SFI1: variants seen among roughly 807,000 people sequenced by gnomAD.
SFI1 encodes SFI1 centrin binding protein, also known as protein SFI1 homolog.
Under a neutral mutation model 207.5 loss-of-function variants are expected in SFI1, and 195 were observed. The observed-to-expected ratio is 0.94, with a 90% CI of 0.84 to 1.06. The LOEUF (loss-of-function observed/expected upper bound fraction) is 1.06, where lower values mean the gene tolerates loss of function less well. Among genes scored for constraint, SFI1 ranks in the 50% least tolerant of loss-of-function variants. The probability of loss-of-function intolerance (pLI) is 0.00; values close to 1 mark genes in which losing one functional copy is unlikely to be tolerated. For synonymous variants in SFI1, 630 were observed against 598.9 expected (o/e 1.05, Z -0.76); for missense variants, 1,634 against 1,588.0 (o/e 1.03, Z -0.49).
intron 24 of SFI1, chr22:31,612,485 G>C (rs1244782085): frequency 6.7e-6 from 1 of 149,706 alleles, no homozygotes; most frequent in Non-Finnish European, 1.5e-5. Context: ...GGGAGGCCGA[G>C]GCAGGAGGAT....
At position 31,584,341 on chromosome 22, in the gene SFI1, A is replaced by G. The variant is rs2064745443; in HGVS notation, c.1346+369A>G. Among the ~76,000 whole-genome samples the G allele has an allele frequency of 2.6e-5, 4 of 152,196 alleles. No homozygotes were observed. The South Asian group carries it at 8.3e-4, about 31-fold the overall frequency. ...TTAAAGTGTGCAGGGAATGTCCTCA[A>G]TATTTTAGAGCTAGTCATTCAGTTA... is the stretch of plus-strand genomic sequence containing the variant. On this transcript the variant is annotated intron_variant, in intron 13 of 32. Coordinates refer to ENST00000400288, the MANE Select transcript of SFI1 (RefSeq NM_001007467.3).
Position 31,550,247 on chromosome 22 carries a change from TCCTCAGGTATTA to T in SFI1, c.450-3_458del. On this transcript the variant is annotated splice_acceptor_variant and splice_polypyrimidine_tract_variant and coding_sequence_variant and intron_variant, in exon 6 of 33. Transcript: ENST00000400288. LOFTEE classifies it high-confidence loss of function. ...AGAAATGCCATTTACTTTTTTTGGC[TCCTCAGGTATTA>T]CCTGTACAACCTGATGTTCCAGACG... The T allele has an allele frequency of 1.2e-6, 2 of 1,610,552 alleles. No homozygotes were observed. Among genetic ancestry groups the T allele is most frequent in the African/African-American group, 2.7e-5 (2 of 74,880 alleles).
At chr22:31,516,250 C>T (rs937977646) in intron 2 of SFI1, among the ~76,000 whole-genome samples, 4 of 151,974 alleles carry the variant, frequency 2.6e-5, no homozygotes, top group Non-Finnish European at 5.9e-5. Flanking sequence ...CCGTGGCTTA[C>T]GTCTGGAATT....
At chr22:31,595,335 C>T (rs2066947896) in intron 15 of SFI1, among the ~76,000 whole-genome samples, 1 of 152,214 alleles carries the variant, frequency 6.6e-6, no homozygotes. Context: ...GTATGTCTGC[C>T]ACTGTGTTGG....
At position 31,603,743 on chromosome 22, in the gene SFI1, G is replaced by A; in HGVS notation, c.1806-1G>A. 6.5e-7 allele frequency: 1 copy of A among 1,536,372 alleles called. No homozygotes were observed. Among genetic ancestry groups the A allele is most frequent in the Non-Finnish European group, 8.7e-7 (1 of 1,154,772 alleles). ...CACTGAGCTCTGCCATCTCCCCACA[G>A]GAGGACGGGCAGGGTGCGGGCAGCA... is the stretch of plus-strand genomic sequence containing the variant. On this transcript the variant is annotated splice_acceptor_variant, in intron 17 of 32. Transcript: ENST00000400288. LOFTEE classifies it high-confidence loss of function.
intron 8 of SFI1, among the ~76,000 whole-genome samples, chr22:31,570,265 T>C (rs575084692): frequency 6.6e-6 from 1 of 152,330 alleles, no homozygotes; most frequent in East Asian, 1.9e-4. Context: ...TCTCAATGTC[T>C]TTAAAAGATG....
chr22:31,602,085 A>G, intron 15 of SFI1, 127 bp from the exon 16 acceptor site: 1 of 795,212 alleles, frequency 1.3e-6, no homozygotes, highest in South Asian at 1.6e-5. Context: ...GTGCCCAGCC[A>G]CTTAATTCAC....
intron 8 of SFI1, among the ~76,000 whole-genome samples, chr22:31,564,296 C>T (rs1274286733): frequency 6.9e-6 from 1 of 144,908 alleles, no homozygotes; most frequent in East Asian, 2.0e-4. Flanking sequence ...CACTGCACTC[C>T]AGCCTGGGCG....
chr22:31,528,677 C>G lies in SFI1; in HGVS notation c.93-13C>G. On this transcript the variant is annotated splice_polypyrimidine_tract_variant and intron_variant, in intron 2 of 32. Coordinates refer to ENST00000400288, the MANE Select transcript of SFI1 (RefSeq NM_001007467.3). Reference sequence around the variant, plus strand: ...TTTATTCTCTCCTTGCCTCTTTCGTCCTCAAATTTAAGGTATTTTAAGGAT... The same window carrying G: ...TTTATTCTCTCCTTGCCTCTTTCGTGCTCAAATTTAAGGTATTTTAAGGAT... 3 of 1,609,992 alleles carry G rather than the reference C, an allele frequency of 1.9e-6. No homozygotes were observed. The East Asian group carries it at 6.7e-5, about 36-fold the overall frequency.
intron 31 of SFI1, among the ~76,000 whole-genome samples, chr22:31,617,816 G>C (rs1603383990): frequency 6.6e-6 from 1 of 152,156 alleles, no homozygotes; most frequent in East Asian, 1.9e-4. Context: ...AGAGCTTCCA[G>C]GGCAACAGAC....
intron 8 of SFI1, chr22:31,572,791 C>T (rs2063087293): frequency 3.6e-6 from 1 of 274,472 alleles, no homozygotes; most frequent in South Asian, 6.8e-5. Flanking sequence ...GCGAGAGCCA[C>T]TGCACCAGCC....
In SFI1 at chr22:31,550,366, A is replaced by G. The variant is rs768244503; in HGVS notation, c.544+18A>G. 9.4e-6 allele frequency: 15 copies of G among 1,602,068 alleles called. No individual in the cohort carries two copies. Among genetic ancestry groups the G allele is most frequent in the Admixed American group, 3.3e-5 (2 of 59,748 alleles). ...GGTTCATGGTGAGAAAAAGAAGTCC[A>G]TGTCTGAAGAAGATGCCCACATTTA... On this transcript the variant is annotated intron_variant, in intron 6 of 32. Transcript: ENST00000400288.
intron 13 of SFI1, among the ~76,000 whole-genome samples, chr22:31,584,589 C>A (rs1257179259): frequency 2.0e-5 from 3 of 152,116 alleles, no homozygotes; most frequent in African/African-American, 7.2e-5. Flanking sequence ...GTATAATCAA[C>A]TTAATTTGCA....
At chr22:31,592,756 C>T (rs1193152094) in intron 15 of SFI1, among the ~76,000 whole-genome samples, 6 of 110,348 alleles carry the variant, frequency 5.4e-5, no homozygotes, top group African/African-American at 1.2e-4. Context: ...TAGGGGCGGC[C>T]GGGCAGAGGC....
chr22:31,617,963 GCAGGGGCCTGCAGTTCAGGT>G (rs1365636751), intron 31 of SFI1, 132 bp from the exon 32 acceptor site: 2 of 793,024 alleles, frequency 2.5e-6, no homozygotes, highest in African/African-American at 3.5e-5. Flanking sequence ...TGGCTCCCAA[GCAGGGGCCTGCAGTTCAGGT>G]CAGGGGCCCT....
intron 4 of SFI1, among the ~76,000 whole-genome samples, chr22:31,532,622 C>T (rs2147442176): frequency 6.6e-6 from 1 of 152,220 alleles, no homozygotes; most frequent in Non-Finnish European, 1.5e-5. Flanking sequence ...GCCAACTTGG[C>T]CTGTGTGTGT....
At chr22:31,497,001 C>G (rs934055783) in intron 1 of SFI1, among the ~76,000 whole-genome samples, 2 of 152,226 alleles carry the variant, frequency 1.3e-5, no homozygotes, top group African/African-American at 2.4e-5. Context: ...CAGGGGTTTC[C>G]TCCTCCCGGC....
Position 31,546,942 on chromosome 22 carries a change from ACT to A in SFI1, c.423_424del (p.Val143SerfsTer3), listed in dbSNP as rs751087211. ...GGTGGGTTTTCCAGCACGAGTGGAA[ACT>A]CTGTGTTCGAGCTGACTGTCACTAC... Reference protein sequence around the residue: ...EWWVFQHEWKLCVRADCHYRY... With the variant: ...EWWVFQHEWKXCVRADCHYRY... On this transcript the variant is annotated frameshift_variant, in exon 5 of 33. Transcript: ENST00000400288. LOFTEE classifies it high-confidence loss of function. The A allele has an allele frequency of 1.2e-5, 20 of 1,611,206 alleles. No individual in the cohort carries two copies. The highest frequency in any genetic ancestry group is 1.6e-4 in the Middle Eastern group (1 of 6,080).
rs557354743 is a variant in SFI1 at position 31,509,776 on chromosome 22, G to A, written c.92+1400G>A. On this transcript the variant is annotated intron_variant, in intron 2 of 32. Transcript: ENST00000400288. ...CTATTTTTTGAGGATTTTTATGTCT[G>A]TAGTCACGAGGTCTATTGGTCTTTT... is the stretch of plus-strand genomic sequence containing the variant. 5.3e-5 allele frequency among the ~76,000 whole-genome samples: 8 copies of A among 152,176 alleles called. No individual in the cohort carries two copies. In the East Asian group the frequency reaches 1.2e-3, roughly 22 times the overall value.
Sources: gnomAD v4.1 joint callset for allele counts (sites outside exome capture counted in the v4.1 genomes callset) on GRCh38, gnomAD v4.1.1 for gene constraint, MANE v1.5 for transcripts, NCBI Gene and HGNC (gene_info 2026-07-23, HGNC 2026-07-21) for gene names.